Variants in PALS2 observed in about 807,000 individuals in gnomAD.
PALS2 encodes the protein protein associated with LIN7 2, MAGUK p55 family member.
Under a neutral mutation model 61.6 loss-of-function variants are expected in PALS2, and 27 were observed. The ratio of observed to expected loss-of-function variants is 0.44; its 90% confidence interval spans 0.32 to 0.60. The LOEUF (loss-of-function observed/expected upper bound fraction) is 0.60. Among genes scored for constraint, PALS2 ranks in the 20% least tolerant of loss-of-function variants. The probability of loss-of-function intolerance (pLI) is 0.05; values close to 1 mark genes in which losing one functional copy is unlikely to be tolerated. For missense variants in PALS2, 554 were observed against 639.4 expected, an observed-to-expected ratio of 0.87 and a Z score of 1.44; for synonymous variants, 236 against 218.6, an observed-to-expected ratio of 1.08 and a Z score of -0.70.
chr7:24,679,535 T>G (rs1250040405), intron 10 of PALS2, among the ~76,000 whole-genome samples: 1 of 152,184 alleles, frequency 6.6e-6, no homozygotes, highest in African/African-American at 2.4e-5. Context: ...CAACAGAGGC[T>G]TGGGTGGCAA....
intron 6 of PALS2, 49 bp from the exon 7 acceptor site, chr7:24,665,539 G>A (rs1786969644): frequency 3.3e-6 from 5 of 1,534,892 alleles, no homozygotes; most frequent in Admixed American, 1.7e-5. Context: ...ATAGAATATG[G>A]TCTCAAATTT....
chr7:24,685,466 A>G (rs1469240358), intron 11 of PALS2, among the ~76,000 whole-genome samples: 2 of 152,074 alleles, frequency 1.3e-5, no homozygotes, highest in Non-Finnish European at 2.9e-5. Context: ...GTTAGTTTCC[A>G]GTATAAGCAA....
rs1193140263 is a variant in PALS2, at chr7:24,596,254, C to T, written c.-3+22661C>T. Reference sequence around the variant, plus strand: ...GCAGACAGGCAAGAATTGATGGTGGCTTAGCGTAGGGGGATAGCAGTGAAT... The same window carrying T: ...GCAGACAGGCAAGAATTGATGGTGGTTTAGCGTAGGGGGATAGCAGTGAAT... On this transcript the variant is annotated intron_variant, in intron 1 of 11. Coordinates refer to ENST00000222644, the MANE Select transcript of PALS2 (RefSeq NM_001303037.2). The surrounding 1 kb of genome is among the most constrained non-coding windows in gnomAD (Gnocchi z 4.5). Among the ~76,000 whole-genome samples the T allele has an allele frequency of 3.3e-5, 5 of 152,074 alleles. No homozygotes were observed. The highest frequency in any genetic ancestry group is 1.2e-4 in the African/African-American group (5 of 41,422).
chr7:24,578,668 G>T (rs1164701466), intron 1 of PALS2, among the ~76,000 whole-genome samples: 3 of 152,174 alleles, frequency 2.0e-5, no homozygotes, highest in African/African-American at 7.2e-5. Context: ...ACCAGCCTGG[G>T]AAACTGGAGA....
intron 2 of PALS2, among the ~76,000 whole-genome samples, chr7:24,624,741 G>C (rs1213001889): frequency 1.3e-5 from 2 of 151,372 alleles, no homozygotes; most frequent in African/African-American, 4.9e-5. Flanking sequence ...CGAGTAGCTG[G>C]GACTACAGGC....
chr7:24,685,136 A>G (rs1039644922), intron 11 of PALS2, among the ~76,000 whole-genome samples: 4 of 152,070 alleles, frequency 2.6e-5, no homozygotes, highest in African/African-American at 4.8e-5. Context: ...ACAGGCCCCA[A>G]TGTGTGTTAA....
intron 1 of PALS2, among the ~76,000 whole-genome samples, chr7:24,578,817 T>C (rs1237749612): frequency 6.6e-6 from 1 of 152,228 alleles, no homozygotes; most frequent in South Asian, 2.1e-4. Context: ...TTCATACTTA[T>C]TCATCTGCTG....
chr7:24,580,258 CAG>C (rs1216401982), intron 1 of PALS2, among the ~76,000 whole-genome samples: 6 of 152,148 alleles, frequency 3.9e-5, no homozygotes, highest in African/African-American at 1.4e-4. Context: ...AAGTGGGCAT[CAG>C]AATCCTTTGG....
chr7:24,665,293 T>G (rs568504248), intron 6 of PALS2, among the ~76,000 whole-genome samples: 2 of 152,234 alleles, frequency 1.3e-5, no homozygotes, highest in Non-Finnish European at 2.9e-5. Flanking sequence ...TTATTTAGAA[T>G]AGCATTTTCC....
At chr7:24,640,770 A>C (rs2721791) in intron 2 of PALS2, among the ~76,000 whole-genome samples, 1 of 151,192 alleles carries the variant, frequency 6.6e-6, no homozygotes, top group African/African-American at 2.4e-5. Context: ...GCACTTTGGG[A>C]GGCCGAGGCG....
chr7:24,655,138 G>A (rs1275705654), intron 5 of PALS2, among the ~76,000 whole-genome samples: 1 of 152,156 alleles, frequency 6.6e-6, no homozygotes, highest in Admixed American at 6.5e-5. Context: ...TGGTGGCAGT[G>A]TGTATTGGTA....
intron 1 of PALS2, among the ~76,000 whole-genome samples, chr7:24,601,121 A>T (rs1410629371): frequency 6.6e-6 from 1 of 151,954 alleles, no homozygotes; most frequent in African/African-American, 2.4e-5. Context: ...TTTGGTTTTA[A>T]CCATTATGGA....
At chr7:24,608,270 G>A (rs1783995557) in intron 1 of PALS2, among the ~76,000 whole-genome samples, 1 of 151,844 alleles carries the variant, frequency 6.6e-6, no homozygotes, top group Non-Finnish European at 1.5e-5. Flanking sequence ...ATTTTTTTAT[G>A]TTTTAAACAT....
intron 5 of PALS2, chr7:24,663,360 TTGA>T (rs1192014155): frequency 3.1e-6 from 1 of 326,866 alleles, no homozygotes; most frequent in African/African-American, 2.2e-5. Context: ...CAAACTCTTG[TTGA>T]TTTAAAGTTA....
intron 1 of PALS2, chr7:24,574,145 G>C (rs1226033670): frequency 6.6e-6 from 1 of 152,342 alleles, no homozygotes; most frequent in Non-Finnish European, 1.5e-5. Flanking sequence ...GAGTTGGTAG[G>C]GGAGGAGGCT....
At chr7:24,628,709 AAG>A (rs1412669029) in intron 2 of PALS2, among the ~76,000 whole-genome samples, 1 of 152,110 alleles carries the variant, frequency 6.6e-6, no homozygotes, top group African/African-American at 2.4e-5. Flanking sequence ...AATAGACAAA[AAG>A]AGAGCCAAAT....
intron 1 of PALS2, among the ~76,000 whole-genome samples, chr7:24,589,939 C>G (rs1274334679): frequency 6.6e-6 from 1 of 152,128 alleles, no homozygotes; most frequent in African/African-American, 2.4e-5. Flanking sequence ...CTGAACACTA[C>G]TCAGTGTTTA....
chr7:24,614,923 A>G (rs1017128826), intron 1 of PALS2, among the ~76,000 whole-genome samples: 1 of 151,986 alleles, frequency 6.6e-6, no homozygotes, highest in Non-Finnish European at 1.5e-5. Context: ...AAAAATTTTT[A>G]AAAATCAAAA....
intron 2 of PALS2, among the ~76,000 whole-genome samples, chr7:24,627,253 T>C (rs1297112538): frequency 6.6e-6 from 1 of 152,164 alleles, no homozygotes; most frequent in African/African-American, 2.4e-5. Context: ...AACCTACTCT[T>C]AAATGACTAC....
Sources: gnomAD v4.1 joint callset for allele counts (sites outside exome capture counted in the v4.1 genomes callset) on GRCh38, gnomAD v4.1.1 for gene constraint, Gnocchi (gnomAD v3.1) non-coding constraint, MANE v1.5 for transcripts, NCBI Gene and HGNC (gene_info 2026-07-23, HGNC 2026-07-21) for gene names.